Variants in EREG observed in about 807,000 individuals in gnomAD.
The protein encoded by EREG is proepiregulin.
EREG carries 23 observed loss-of-function variants against 22.4 expected under a neutral mutation model. That is an observed-to-expected ratio of 1.03 (90% CI 0.74 to 1.46). The LOEUF (loss-of-function observed/expected upper bound fraction) is 1.46. EREG is among the 40% of genes most tolerant of loss of function. The pLI, the probability that EREG is intolerant of heterozygous loss-of-function variation, is 0.00. For missense variants in EREG, 226 were observed against 205.9 expected, an observed-to-expected ratio of 1.10 and a Z score of -0.60; for synonymous variants, 100 against 75.4, an observed-to-expected ratio of 1.33 and a Z score of -1.69.
rs889258808 is a variant in EREG, at chr4:74,385,577, T to C, written c.*769T>C. 1.1e-5 allele frequency: 3 copies of C among 266,528 alleles called. No homozygotes were observed. Among genetic ancestry groups the C allele is most frequent in the African/African-American group, 6.5e-5 (3 of 46,010 alleles). 16.5% of individuals were successfully genotyped at this position (266,528 alleles called of 1,614,324 possible). ...CTTCACAATGTTCCTTTTTTGTATATTACAACATTTATGTGAGGTAATTAT... is the reference window on the plus strand; with the variant it reads ...CTTCACAATGTTCCTTTTTTGTATACTACAACATTTATGTGAGGTAATTAT... On this transcript the variant is annotated 3_prime_UTR_variant, in exon 5 of 5. Transcript: ENST00000244869.
chr4:74,365,355 C>T lies in EREG; in HGVS notation c.47C>T (p.Pro16Leu). Residue 16 changes from proline to leucine, a missense_variant, in exon 1 of 5, where the codon CCT becomes CTT. By Grantham distance (98) the Pro-to-Leu change is moderately conservative. Coordinates refer to ENST00000244869, the MANE Select transcript of EREG (RefSeq NM_001432.3). ...RMEMLCAGRV[P>L]ALLLCLGFHL... ...GAGATGCTCTGTGCCGGCAGGGTCC[C>T]TGCGCTGCTGCTCTGCCTGGGTAAG... The T allele has an allele frequency of 6.2e-7, 1 of 1,610,980 alleles. No individual in the cohort carries two copies. The highest frequency in any genetic ancestry group is 8.5e-7 in the Non-Finnish European group (1 of 1,179,986).
At chr4:74,384,200 G>A (rs1475441428) in intron 4 of EREG, among the ~76,000 whole-genome samples, 1 of 152,188 alleles carries the variant, frequency 6.6e-6, no homozygotes, top group African/African-American at 2.4e-5. Context: ...TCTGTAAGAT[G>A]AGGATGGTAA....
chr4:74,370,440 A>G (rs1752270382), intron 1 of EREG, among the ~76,000 whole-genome samples: 8 of 152,212 alleles, frequency 5.3e-5, no homozygotes. Flanking sequence ...GTATTTAAAA[A>G]TATTAAAAAA....
chr4:74,369,354 C>A (rs185360754), intron 1 of EREG, among the ~76,000 whole-genome samples: 1 of 151,730 alleles, frequency 6.6e-6, no homozygotes, highest in Non-Finnish European at 1.5e-5. Context: ...CTCTGTATGC[C>A]TTTGTGTACT....
rs1007103061 is a variant in EREG, at chr4:74,388,309, G to A, written c.*3501G>A. 3 of 152,124 alleles carry A rather than the reference G, an allele frequency of 2.0e-5. No individual in the cohort carries two copies. The highest frequency in any genetic ancestry group is 7.2e-5 in the African/African-American group (3 of 41,404). The allele number at this position is 152,124 out of a possible 1,614,324, so 9.4% of individuals were successfully genotyped here. On this transcript the variant is annotated 3_prime_UTR_variant, in exon 5 of 5. Coordinates refer to ENST00000244869, the MANE Select transcript of EREG (RefSeq NM_001432.3). ...AAAATTCTTGTTCATATGGGAGAAG[G>A]GGGAGTAATGACTTGTACAAACAGT...
chr4:74,367,303 C>A (rs1399094939), intron 1 of EREG, among the ~76,000 whole-genome samples: 1 of 152,138 alleles, frequency 6.6e-6, no homozygotes, highest in Non-Finnish European at 1.5e-5. Context: ...AAAATAGTGA[C>A]AAAGTGAGAG....
chr4:74,381,676 G>A (rs1188728559), intron 3 of EREG: 1 of 152,024 alleles, frequency 6.6e-6, no homozygotes, highest in East Asian at 1.9e-4. Flanking sequence ...ATCAGGTATT[G>A]TTTTAAGAAT....
chr4:74,384,013 C>G (rs1752525225), intron 4 of EREG, among the ~76,000 whole-genome samples: 1 of 152,106 alleles, frequency 6.6e-6, no homozygotes, highest in Non-Finnish European at 1.5e-5. Flanking sequence ...GTGGTTTCCT[C>G]AAAGCTACAT....
chr4:74,373,094 T>C (rs1424330624), intron 1 of EREG, among the ~76,000 whole-genome samples: 1 of 151,658 alleles, frequency 6.6e-6, no homozygotes, highest in Non-Finnish European at 1.5e-5. Flanking sequence ...GGTTGTACTC[T>C]TTACATAAGA....
chr4:74,380,010 T>C (rs75511798), intron 2 of EREG, among the ~76,000 whole-genome samples: 21 of 152,232 alleles, frequency 1.4e-4, no homozygotes, highest in Admixed American at 6.5e-4. Flanking sequence ...GTATGTAGTA[T>C]GCACCAAACG....
chr4:74,365,818 C>A (rs75590194), intron 1 of EREG, among the ~76,000 whole-genome samples: 3,301 of 152,220 alleles, frequency 0.022, 120 homozygotes, highest in African/African-American at 0.075. Context: ...CTTTTCTCCT[C>A]TGTCTTGCGC....
chr4:74,373,765 C>A (rs1430304437), intron 1 of EREG, among the ~76,000 whole-genome samples: 1 of 151,126 alleles, frequency 6.6e-6, no homozygotes, highest in African/African-American at 2.4e-5. Context: ...CACACACACA[C>A]ACACACACAT....
Position 74,376,927 on chromosome 4 carries a change from CT to C in EREG, c.68-2517del, listed in dbSNP as rs202005769. On this transcript the variant is annotated intron_variant, in intron 1 of 4. Coordinates refer to ENST00000244869, the MANE Select transcript of EREG (RefSeq NM_001432.3). ...GATGCTGATGCCGATGTGTAATTTA[CT>C]TTTCAGAACCCAAAAATATACAATC... Among the ~76,000 whole-genome samples, 688 of 152,264 alleles carry C rather than the reference CT, an allele frequency of 4.5e-3. 4 individuals are homozygous for C. The highest frequency in any genetic ancestry group is 0.016 in the African/African-American group (661 of 41,544).
chr4:74,370,396 A>G (rs1752269689), intron 1 of EREG, among the ~76,000 whole-genome samples: 1 of 152,204 alleles, frequency 6.6e-6, no homozygotes. Context: ...TATCACCACT[A>G]TGTTATAGAC....
Position 74,384,110 on chromosome 4 carries a change from G to T in EREG, c.429-617G>T, listed in dbSNP as rs201710009. Among the ~76,000 whole-genome samples, 81 of 152,194 alleles carry T rather than the reference G, an allele frequency of 5.3e-4. No homozygotes were observed. In the East Asian group the frequency reaches 0.013, roughly 24 times the overall value. On this transcript the variant is annotated intron_variant, in intron 4 of 4. Coordinates refer to ENST00000244869, the MANE Select transcript of EREG (RefSeq NM_001432.3). ...TAAATGAAAGAAGATTCTAAATTATGATAAATCTATGAATCCTAGCTATGA... is the reference window on the plus strand; with the variant it reads ...TAAATGAAAGAAGATTCTAAATTATTATAAATCTATGAATCCTAGCTATGA...
At chr4:74,365,962 A>G (rs888439969) in intron 1 of EREG, among the ~76,000 whole-genome samples, 2 of 152,218 alleles carry the variant, frequency 1.3e-5, no homozygotes, top group Admixed American at 1.3e-4. Flanking sequence ...GGCCCTGGGC[A>G]GGTCCTGGCG....
chr4:74,375,760 G>A (rs1752371147), intron 1 of EREG, among the ~76,000 whole-genome samples: 1 of 152,168 alleles, frequency 6.6e-6, no homozygotes, highest in Non-Finnish European at 1.5e-5. Context: ...CATATTGCAG[G>A]AACATTTGAG....
chr4:74,376,463 G>A (rs1752384154), intron 1 of EREG, among the ~76,000 whole-genome samples: 1 of 152,176 alleles, frequency 6.6e-6, no homozygotes, highest in Admixed American at 6.5e-5. Flanking sequence ...CTTCAGTAGT[G>A]AAAGTATGGT....
At position 74,365,318 on chromosome 4, in the gene EREG, G is replaced by C. The variant is rs565854056; in HGVS notation, c.10G>C (p.Gly4Arg). Residue 4 changes from glycine (G) to arginine (R), a missense_variant, in exon 1 of 5, where the codon GGG becomes CGG. Physicochemically the swap from Gly to Arg is moderately radical, Grantham distance 125 (BLOSUM62 -2). Transcript: ENST00000244869. ...CCCGCTCCCATCGCCGATGACCGCG[G>C]GGAGGAGGATGGAGATGCTCTGTGC... MTA[G>R]RRMEMLCAGR... 3.4e-5 allele frequency: 54 copies of C among 1,606,018 alleles called. No individual in the cohort carries two copies. In the African/African-American group the frequency reaches 6.4e-4, roughly 19 times the overall value.
Sources: allele counts gnomAD v4.1 joint callset (sites outside exome capture counted in the v4.1 genomes callset), GRCh38; gene constraint gnomAD v4.1.1; transcripts MANE v1.5; gene names NCBI Gene and HGNC (gene_info 2026-07-23, HGNC 2026-07-21).